Variants in PCDHA2 observed in about 807,000 individuals in gnomAD.
The protein encoded by PCDHA2 is protocadherin alpha 2.
PCDHA2 carries 58 observed loss-of-function variants against 66.0 expected under a neutral mutation model. The observed-to-expected ratio is 0.88, with a 90% CI of 0.71 to 1.09. The LOEUF (loss-of-function observed/expected upper bound fraction) is 1.09, where lower values mean the gene tolerates loss of function less well. PCDHA2 is among the 50% of genes least tolerant of loss of function. The pLI is 0.00. For synonymous variants in PCDHA2, 634 were observed against 554.0 expected (o/e 1.14, Z -2.03); for missense variants, 1,267 against 1,242.3 (o/e 1.02, Z -0.30).
intron 1 of PCDHA2, chr5:140,804,257 A>G (rs1763365234): frequency 6.6e-6 from 1 of 152,208 alleles, no homozygotes; most frequent in African/African-American, 2.4e-5. Flanking sequence ...ATCGAGAATA[A>G]CAATTGCATT....
At chr5:140,806,671 C>A (rs1181481353) in intron 1 of PCDHA2, among the ~76,000 whole-genome samples, 1 of 152,090 alleles carries the variant, frequency 6.6e-6, no homozygotes, top group Non-Finnish European at 1.5e-5. Context: ...AAAAAAAAAC[C>A]CTGGAATTCT....
intron 1 of PCDHA2, chr5:140,836,141 C>G (rs2150253789): frequency 3.1e-6 from 5 of 1,613,766 alleles, no homozygotes; most frequent in Non-Finnish European, 4.2e-6. Flanking sequence ...GGTCTGTGGG[C>G]GCGGGCCATG....
chr5:140,857,662 T>C lies in PCDHA2; in HGVS notation c.2388+60310T>C, dbSNP rs782577621. The C allele has an allele frequency of 7.5e-6, 12 of 1,596,412 alleles. 2 individuals are homozygous for C. The highest frequency in any genetic ancestry group is 6.7e-5 in the African/African-American group (5 of 74,166). On this transcript the variant is annotated intron_variant, in intron 1 of 3. Transcript: ENST00000526136. ...TACAGTTCCAGGTGAGCGCGCGCGA[T>C]GGGGGCGTGCCGCCTCTGGGCAGCA...
At chr5:141,006,105 GT>G (rs79904017) in intron 3 of PCDHA2, among the ~76,000 whole-genome samples, 172 of 143,342 alleles carry the variant, frequency 1.2e-3, no homozygotes, top group East Asian at 2.0e-3. Context: ...ATGGTAAGGA[GT>G]TTTTTTTTTT....
At chr5:140,955,102 C>A (rs2095137498) in intron 1 of PCDHA2, among the ~76,000 whole-genome samples, 1 of 151,988 alleles carries the variant, frequency 6.6e-6, no homozygotes, top group Admixed American at 6.6e-5. Context: ...GGTGTTATTT[C>A]TGAGTTCTCT....
At chr5:140,838,888 C>A (rs1414271467) in intron 1 of PCDHA2, among the ~76,000 whole-genome samples, 1 of 151,692 alleles carries the variant, frequency 6.6e-6, no homozygotes, top group Non-Finnish European at 1.5e-5. Context: ...GAACTCCAGC[C>A]TAGGTGACAG....
rs185481644 is a variant in PCDHA2, at chr5:140,906,049, T to C, written c.2389-72900T>C. 1.7e-3 allele frequency among the ~76,000 whole-genome samples: 263 copies of C among 152,304 alleles called. 2 individuals are homozygous for C. Among genetic ancestry groups the C allele is most frequent in the African/African-American group, 5.9e-3 (247 of 41,562 alleles). ...TTCTTCTGTCTGCTTTTATTCTGGC[T>C]GCACTGGCAGCTGATTAGATCGCAC... On this transcript the variant is annotated intron_variant, in intron 1 of 3. Transcript: ENST00000526136.
chr5:140,965,236 A>G (rs1374558346), intron 1 of PCDHA2, among the ~76,000 whole-genome samples: 1 of 152,222 alleles, frequency 6.6e-6, no homozygotes, highest in African/African-American at 2.4e-5. Flanking sequence ...GAACCTGGGA[A>G]GAGTGAATAT....
chr5:140,895,257 T>C (rs1180344268), intron 1 of PCDHA2, among the ~76,000 whole-genome samples: 2 of 152,212 alleles, frequency 1.3e-5, no homozygotes, highest in Non-Finnish European at 1.5e-5. Flanking sequence ...AGCTTTCTTT[T>C]TTTTCTTACT....
chr5:140,932,398 T>TA (rs1472151465), intron 1 of PCDHA2, among the ~76,000 whole-genome samples: 1 of 151,960 alleles, frequency 6.6e-6, no homozygotes, highest in Non-Finnish European at 1.5e-5. Flanking sequence ...AGTTTCAACA[T>TA]ACCAATGTTA....
intron 1 of PCDHA2, chr5:140,830,263 G>T: frequency 6.2e-7 from 1 of 1,613,640 alleles, no homozygotes; most frequent in African/African-American, 1.3e-5. Flanking sequence ...TGCGGTGCTC[G>T]GCGCCACCCA....
intron 1 of PCDHA2, chr5:140,843,183 C>T: frequency 6.3e-7 from 1 of 1,596,024 alleles, no homozygotes; most frequent in Non-Finnish European, 8.6e-7. Context: ...CCTCGCATCC[C>T]GTTCCGCGTG....
intron 1 of PCDHA2, among the ~76,000 whole-genome samples, chr5:140,917,223 C>T (rs1351907671): frequency 2.0e-5 from 3 of 150,934 alleles, no homozygotes; most frequent in African/African-American, 4.9e-5. Flanking sequence ...TTTAGTGATA[C>T]GTTGTTAAAT....
intron 1 of PCDHA2, chr5:140,928,089 T>G: frequency 6.2e-7 from 1 of 1,614,192 alleles, no homozygotes; most frequent in Non-Finnish European, 8.5e-7. Context: ...GCCTGCTGAT[T>G]GATGGGCCCC....
chr5:140,929,398 AG>A, intron 1 of PCDHA2: 1 of 1,510,096 alleles, frequency 6.6e-7, no homozygotes, highest in Non-Finnish European at 8.9e-7. Flanking sequence ...AATATTTCTT[AG>A]ACAAGCCTTT....
At chr5:140,905,251 A>G (rs1382207700) in intron 1 of PCDHA2, among the ~76,000 whole-genome samples, 4 of 152,174 alleles carry the variant, frequency 2.6e-5, no homozygotes, top group East Asian at 1.9e-4. Context: ...ATTCTTCCAC[A>G]TGAGGCTTGG....
intron 1 of PCDHA2, chr5:140,851,046 C>A: frequency 7.2e-7 from 1 of 1,389,024 alleles, no homozygotes; most frequent in Non-Finnish European, 9.4e-7. Context: ...TTGGAGCCGA[C>A]TTTGTCTTGA....
In PCDHA2 at chr5:140,857,092, G is replaced by A; in HGVS notation, c.2388+59740G>A. On this transcript the variant is annotated intron_variant, in intron 1 of 3. Coordinates refer to ENST00000526136, the MANE Select transcript of PCDHA2 (RefSeq NM_018905.3). ...TGGATGAAAATGATAATTCACCTGA[G>A]GTGATTGTCACTTCTCTGTCTCTCC... 5 of 1,597,300 alleles carry A rather than the reference G, an allele frequency of 3.1e-6. 1 individual carries two copies. Among genetic ancestry groups the A allele is most frequent in the Non-Finnish European group, 4.3e-6 (5 of 1,166,936 alleles).
At chr5:140,835,399 A>T (rs1562344982) in intron 1 of PCDHA2, 1 of 1,613,824 alleles carries the variant, frequency 6.2e-7, no homozygotes, top group Non-Finnish European at 8.5e-7. Context: ...GTTCTTGTGG[A>T]AGTTGTGGAT....
Sources: gnomAD v4.1 joint callset for allele counts (sites outside exome capture counted in the v4.1 genomes callset) on GRCh38, gnomAD v4.1.1 for gene constraint, MANE v1.5 for transcripts, NCBI Gene and HGNC (gene_info 2026-07-23, HGNC 2026-07-21) for gene names.